Variants in CLEC16A observed in about 807,000 individuals in gnomAD.
CLEC16A encodes C-type lectin domain containing 16A, also known as protein CLEC16A.
In CLEC16A, 51 loss-of-function variants were observed where a neutral mutation model predicts 109.5. The ratio of observed to expected loss-of-function variants is 0.47; its 90% CI spans 0.37 to 0.59. The LOEUF (loss-of-function observed/expected upper bound fraction) is 0.59. Ranked by LOEUF, CLEC16A falls within the 20% of genes least tolerant of loss-of-function variation. CLEC16A has a pLI of 0.00. For synonymous variants in CLEC16A, 673 were observed against 564.2 expected (o/e 1.19, Z -2.73); for missense variants, 1,339 against 1,394.0 (o/e 0.96, Z 0.63).
intron 13 of CLEC16A, among the ~76,000 whole-genome samples, chr16:11,030,782 C>A (rs891427901): frequency 2.0e-5 from 3 of 152,162 alleles, no homozygotes; most frequent in African/African-American, 7.2e-5. Flanking sequence ...GTAGCTGGGA[C>A]TACAGGTGTG....
intron 8 of CLEC16A, among the ~76,000 whole-genome samples, chr16:10,977,891 A>AGT (rs760105243): frequency 1.6e-4 from 24 of 151,870 alleles, no homozygotes; most frequent in Non-Finnish European, 2.8e-4. Flanking sequence ...ACAGAGACAG[A>AGT]GTGTGTGTGT....
At chr16:11,106,872 G>A (rs182011219) in intron 19 of CLEC16A, among the ~76,000 whole-genome samples, 2 of 152,276 alleles carry the variant, frequency 1.3e-5, no homozygotes, top group Non-Finnish European at 2.9e-5. Flanking sequence ...CTGGAAGGTG[G>A]CAGAGTTACC....
At chr16:11,144,036 A>T (rs2053951484) in intron 22 of CLEC16A, among the ~76,000 whole-genome samples, 1 of 152,202 alleles carries the variant, frequency 6.6e-6, no homozygotes, top group African/African-American at 2.4e-5. Flanking sequence ...GGATAATTCT[A>T]AGTCATTGAC....
In CLEC16A at chr16:11,064,634, G is replaced by A. The variant is rs144011219; in HGVS notation, c.2116+3612G>A. On this transcript the variant is annotated intron_variant, in intron 19 of 23. Transcript: ENST00000409790. ...TCTACTAAAATCCAAAAAAATAGCC[G>A]GTTGTGGTGGCAGATACCTGTAGTC... Among the ~76,000 whole-genome samples, 1,504 of 152,220 alleles carry A rather than the reference G, an allele frequency of 9.9e-3. 9 individuals are homozygous for A. Among genetic ancestry groups the A allele is most frequent in the Middle Eastern group, 0.034 (10 of 294 alleles).
chr16:11,010,766 G>T (rs559330708), intron 11 of CLEC16A, among the ~76,000 whole-genome samples: 1 of 152,316 alleles, frequency 6.6e-6, no homozygotes, highest in South Asian at 2.1e-4. Flanking sequence ...CCAGAGGCGG[G>T]TGGTGCCTTC....
chr16:10,955,625 G>T (rs923553497), intron 1 of CLEC16A, among the ~76,000 whole-genome samples: 1 of 152,174 alleles, frequency 6.6e-6, no homozygotes, highest in African/African-American at 2.4e-5. Context: ...TGGTCCTAAA[G>T]AATTTAAAAT....
intron 3 of CLEC16A, 107 bp downstream of exon 3, chr16:10,962,695 C>G: frequency 8.2e-7 from 1 of 1,221,304 alleles, no homozygotes; most frequent in Non-Finnish European, 1.2e-6. Flanking sequence ...CTCAGGCTAT[C>G]CTAACAAAAT....
intron 10 of CLEC16A, among the ~76,000 whole-genome samples, chr16:10,994,514 G>A (rs1161136160): frequency 6.6e-6 from 1 of 152,096 alleles, no homozygotes; most frequent in East Asian, 1.9e-4. Context: ...GTTACAGTGG[G>A]TGTGACCTCC....
intron 17 of CLEC16A, chr16:11,048,592 C>T (rs2047759940): frequency 6.6e-6 from 1 of 152,228 alleles, no homozygotes; most frequent in Non-Finnish European, 1.5e-5. Flanking sequence ...GCTGGGCCCT[C>T]ACCACGTCCT....
chr16:11,129,277 T>C (rs2053035510), intron 22 of CLEC16A, among the ~76,000 whole-genome samples: 1 of 152,384 alleles, frequency 6.6e-6, no homozygotes, highest in African/African-American at 2.4e-5. Context: ...CAATATATAC[T>C]TCTTGAATAA....
chr16:11,047,554 G>A (rs575479087), intron 17 of CLEC16A: 22 of 393,900 alleles, frequency 5.6e-5, no homozygotes, highest in Admixed American at 4.0e-4. Flanking sequence ...GGAGGTGTCC[G>A]ATGAATCAGG....
intron 16 of CLEC16A, among the ~76,000 whole-genome samples, chr16:11,046,468 T>TGG (rs1484697158): frequency 7.8e-4 from 118 of 151,978 alleles, no homozygotes; most frequent in African/African-American, 2.9e-3. Context: ...ACCCCAAGTG[T>TGG]GGGGTGTGTG....
At chr16:11,036,487 G>A (rs1420453134) in intron 13 of CLEC16A, among the ~76,000 whole-genome samples, 1 of 151,036 alleles carries the variant, frequency 6.6e-6, no homozygotes, top group African/African-American at 2.4e-5. Flanking sequence ...TGGGCTGTCT[G>A]TAGCTTGATT....
intron 22 of CLEC16A, among the ~76,000 whole-genome samples, chr16:11,131,761 T>A (rs992560199): frequency 1.3e-5 from 2 of 152,206 alleles, no homozygotes; most frequent in African/African-American, 4.8e-5. Context: ...AGCCCCTCTC[T>A]GTGGCCCATG....
chr16:11,154,907 A>G (rs2054447775), intron 22 of CLEC16A, among the ~76,000 whole-genome samples: 1 of 152,234 alleles, frequency 6.6e-6, no homozygotes, highest in East Asian at 1.9e-4. Context: ...AGTCTGGGCA[A>G]CAGAGCGGGA....
chr16:11,167,450 C>G (rs1052363870), intron 23 of CLEC16A, among the ~76,000 whole-genome samples: 4 of 152,160 alleles, frequency 2.6e-5, no homozygotes, highest in African/African-American at 9.7e-5. Flanking sequence ...TCATTGAGTT[C>G]TGGATTGATT....
chr16:11,010,355 G>A (rs896944272), intron 11 of CLEC16A, among the ~76,000 whole-genome samples: 23 of 151,934 alleles, frequency 1.5e-4, no homozygotes, highest in African/African-American at 5.6e-4. Flanking sequence ...TATTCATCAT[G>A]TATATTTTTG....
At chr16:11,060,748 G>A (rs577982828) in intron 18 of CLEC16A, among the ~76,000 whole-genome samples, 154 bp from the exon 19 acceptor site, 1 of 151,530 alleles carries the variant, frequency 6.6e-6, no homozygotes, top group Admixed American at 6.6e-5. Flanking sequence ...TGTTATAAAA[G>A]CACGTACCAG....
chr16:10,962,425 G>A, intron 2 of CLEC16A, 30 bp from the exon 3 acceptor site: 1 of 1,613,652 alleles, frequency 6.2e-7, no homozygotes, highest in Non-Finnish European at 8.5e-7. Context: ...GTGGAAGCAA[G>A]CCACTGATGC....
Sources: allele counts gnomAD v4.1 joint callset (sites outside exome capture counted in the v4.1 genomes callset), GRCh38; gene constraint gnomAD v4.1.1; transcripts MANE v1.5; gene names NCBI Gene and HGNC (gene_info 2026-07-23, HGNC 2026-07-21).